The following SLC2A12 variants were observed in gnomAD, a reference collection of about 807,000 sequenced individuals.
SLC2A12 encodes solute carrier family 2, facilitated glucose transporter member 12.
In SLC2A12, 23 loss-of-function variants were observed where a neutral mutation model predicts 41.8. That is an observed-to-expected ratio of 0.55 (90% CI 0.40 to 0.78). SLC2A12 has a LOEUF of 0.78. Among genes scored for constraint, SLC2A12 ranks in the 30% least tolerant of loss-of-function variants. The probability of loss-of-function intolerance (pLI) is 0.00; values close to 1 mark genes in which losing one functional copy is unlikely to be tolerated. For synonymous variants in SLC2A12, 295 were observed against 285.9 expected (o/e 1.03, Z -0.32); for missense variants, 654 against 745.6 (o/e 0.88, Z 1.43).
intron 1 of SLC2A12, among the ~76,000 whole-genome samples, chr6:134,049,706 G>C: frequency 6.6e-6 from 1 of 152,170 alleles, no homozygotes; most frequent in East Asian, 1.9e-4. Context: ...TATTGAAAAT[G>C]AATTAAGTTC....
intron 1 of SLC2A12, among the ~76,000 whole-genome samples, chr6:134,050,547 C>T (rs562157087): frequency 1.3e-5 from 2 of 152,024 alleles, no homozygotes; most frequent in Non-Finnish European, 2.9e-5. Flanking sequence ...TGAATTTGTA[C>T]AATATAAGCT....
intron 1 of SLC2A12, 56 bp from the exon 2 acceptor site, chr6:134,029,777 T>C (rs1777176567): frequency 2.4e-5 from 37 of 1,524,366 alleles, no homozygotes; most frequent in African/African-American, 4.1e-5. Flanking sequence ...TTTTAAACAT[T>C]TTGTATTTGA....
intron 3 of SLC2A12, among the ~76,000 whole-genome samples, chr6:134,006,202 A>AAAAAC: frequency 6.6e-6 from 1 of 151,462 alleles, no homozygotes; most frequent in South Asian, 2.1e-4. Flanking sequence ...ACAAAAAAAA[A>AAAAAC]AACAGAGAAA....
intron 2 of SLC2A12, among the ~76,000 whole-genome samples, chr6:134,013,017 A>G (rs1049143152): frequency 6.6e-6 from 1 of 152,200 alleles, no homozygotes; most frequent in Non-Finnish European, 1.5e-5. Context: ...AAGGTATTTA[A>G]TAGAAAGTTT....
rs183809984 is a variant in SLC2A12, at chr6:134,034,643, C to A, written c.104-4922G>T. 2.0e-5 allele frequency among the ~76,000 whole-genome samples: 3 copies of A among 152,220 alleles called. No homozygotes were observed. The East Asian group carries it at 5.8e-4, about 29-fold the overall frequency. Reference sequence around the variant, plus strand: ...AGATACCTTTTTCTAAGAAATCTGGCAGTGAACAGGAAGCAAGAGATCAGA... The same window carrying A: ...AGATACCTTTTTCTAAGAAATCTGGAAGTGAACAGGAAGCAAGAGATCAGA... On this transcript the variant is annotated intron_variant, in intron 1 of 4. Coordinates refer to ENST00000275230, the MANE Select transcript of SLC2A12 (RefSeq NM_145176.3).
At chr6:134,006,112 C>T (rs1776809707) in intron 3 of SLC2A12, among the ~76,000 whole-genome samples, 1 of 141,986 alleles carries the variant, frequency 7.0e-6, no homozygotes, top group Non-Finnish European at 1.5e-5. Context: ...CCGGAGGTTA[C>T]AGTGAGCCGA....
intron 3 of SLC2A12, among the ~76,000 whole-genome samples, chr6:134,003,689 C>G (rs548026926): frequency 4.9e-4 from 74 of 152,286 alleles, no homozygotes; most frequent in Middle Eastern, 3.4e-3. Context: ...CCATTCTTCC[C>G]ACAGCATAGG....
chr6:134,037,130 G>A (rs1777312049), intron 1 of SLC2A12, among the ~76,000 whole-genome samples: 1 of 150,448 alleles, frequency 6.6e-6, no homozygotes, highest in African/African-American at 2.4e-5. Context: ...CACAGCCCAG[G>A]GAAACTCGAT....
chr6:134,042,781 A>T lies in SLC2A12; in HGVS notation c.103+9597T>A, dbSNP rs541736815. ...GGAGTCTGAGACCAGCCTGAGCAACATAGTAAGACTCTGTCTCTATTAAAA... is the reference window on the plus strand; with the variant it reads ...GGAGTCTGAGACCAGCCTGAGCAACTTAGTAAGACTCTGTCTCTATTAAAA... On this transcript the variant is annotated intron_variant, in intron 1 of 4. Transcript: ENST00000275230. Among the ~76,000 whole-genome samples the T allele has an allele frequency of 4.9e-4, 74 of 152,246 alleles. No homozygotes were observed. The South Asian group carries it at 0.014, about 28-fold the overall frequency.
Position 133,989,839 on chromosome 6 carries a change from G to A in SLC2A12, c.*1316C>T, listed in dbSNP as rs1195250537. 6.6e-6 allele frequency: 1 copy of A among 152,146 alleles called. No individual in the cohort carries two copies. Among genetic ancestry groups the A allele is most frequent in the Non-Finnish European group, 1.5e-5 (1 of 68,008 alleles). The allele number at this position is 152,146 out of a possible 1,614,324, so 9.4% of individuals were successfully genotyped here. A position where few individuals can be genotyped will look rare whatever the true frequency, so the allele number is the denominator to read the frequency against. ...CCAAGCTAAATAAAAAGGAGCTTTG[G>A]CTCTTAGGATTCTCTTTTCTTCAGG... On this transcript the variant is annotated 3_prime_UTR_variant, in exon 5 of 5. Coordinates refer to ENST00000275230, the MANE Select transcript of SLC2A12 (RefSeq NM_145176.3).
chr6:134,011,340 G>A (rs1029862504), intron 2 of SLC2A12, among the ~76,000 whole-genome samples: 14 of 152,110 alleles, frequency 9.2e-5, no homozygotes, highest in Non-Finnish European at 2.1e-4. Context: ...ATAAGTATAC[G>A]ACCAGGTGTG....
At chr6:134,009,496 A>G (rs1562193667) in intron 2 of SLC2A12, among the ~76,000 whole-genome samples, 2 of 152,132 alleles carry the variant, frequency 1.3e-5, no homozygotes, top group African/African-American at 2.4e-5. Context: ...TGTTTTGACA[A>G]TTTGACAAGG....
chr6:134,008,814 T>A (rs1278859514), intron 2 of SLC2A12, among the ~76,000 whole-genome samples: 1 of 152,210 alleles, frequency 6.6e-6, no homozygotes, highest in Non-Finnish European at 1.5e-5. Context: ...GGGTATTCGA[T>A]GCTGGCCAGG....
chr6:134,036,416 A>T (rs940684827), intron 1 of SLC2A12, among the ~76,000 whole-genome samples: 2 of 152,220 alleles, frequency 1.3e-5, no homozygotes, highest in Non-Finnish European at 2.9e-5. Context: ...TCCACTTCTC[A>T]GTCCTCAGCA....
rs535589731 is a variant in SLC2A12, at chr6:133,988,411, C to T, written c.*2744G>A. 6.6e-6 allele frequency: 1 copy of T among 152,142 alleles called. No individual in the cohort carries two copies. Among genetic ancestry groups the T allele is most frequent in the Non-Finnish European group, 1.5e-5 (1 of 68,022 alleles). 9.4% of individuals were successfully genotyped at this position (152,142 alleles called of 1,614,324 possible). On this transcript the variant is annotated 3_prime_UTR_variant, in exon 5 of 5. Transcript: ENST00000275230. ...GCTGAGTGGAGAGTCCAATTAGCTT[C>T]TCAGGAGAAACTTAATGGGGACAAT... is the stretch of plus-strand genomic sequence containing the variant.
intron 1 of SLC2A12, among the ~76,000 whole-genome samples, chr6:134,035,112 C>T (rs1477802308): frequency 7.4e-6 from 1 of 135,292 alleles, no homozygotes; most frequent in Non-Finnish European, 1.5e-5. Flanking sequence ...GTACTTTGAA[C>T]TAGACATGGG....
chr6:134,002,089 G>A lies in SLC2A12; in HGVS notation c.1608C>T (p.Ile536=). 1 of 1,601,014 alleles carries A rather than the reference G, an allele frequency of 6.2e-7. No homozygotes were observed. The highest frequency in any genetic ancestry group is 1.4e-5 in the African/African-American group (1 of 73,972). ...CAAAAAGCAGGGATGCTAGACTCATGATTGTATATATAAAGCACACCCATG... is the reference window on the plus strand; with the variant it reads ...CAAAAAGCAGGGATGCTAGACTCATAATTGTATATATAAAGCACACCCATG... ...GLPWVCFIYT[I]MSLASLLFVV... Residue 536 remains isoleucine (I), a synonymous_variant, in exon 4 of 5, where the codon ATC becomes ATT. Transcript: ENST00000275230.
At chr6:134,052,296 C>CAA in intron 1 of SLC2A12, 82 bp downstream of exon 1, 1 of 1,119,672 alleles carries the variant, frequency 8.9e-7, no homozygotes, top group East Asian at 2.5e-5. Context: ...CACACACACA[C>CAA]GGGACTCAAG....
At chr6:133,993,262 G>C (rs1372667533) in intron 4 of SLC2A12, among the ~76,000 whole-genome samples, 3 of 152,054 alleles carry the variant, frequency 2.0e-5, no homozygotes, top group Non-Finnish European at 4.4e-5. Context: ...CTAACCCCTA[G>C]AGTCTCCAAA....
Sources: gnomAD v4.1 joint callset for allele counts (sites outside exome capture counted in the v4.1 genomes callset) on GRCh38, gnomAD v4.1.1 for gene constraint, MANE v1.5 for transcripts, NCBI Gene and HGNC (gene_info 2026-07-23, HGNC 2026-07-21) for gene names.